Variants in MPDZ observed in about 807,000 individuals in gnomAD.
MPDZ encodes multiple PDZ domain crumbs cell polarity complex component.
MPDZ carries 234 observed loss-of-function variants against 239.1 expected under a neutral mutation model. That is an observed-to-expected ratio of 0.98 (90% confidence interval 0.88 to 1.09). The LOEUF (loss-of-function observed/expected upper bound fraction) is 1.09, where lower values mean the gene tolerates loss of function less well. Among genes scored for constraint, MPDZ ranks in the 50% least tolerant of loss-of-function variants. The probability of loss-of-function intolerance (pLI) is 0.00; values close to 1 mark genes in which losing one functional copy is unlikely to be tolerated. For synonymous variants in MPDZ, 1,048 were observed against 881.3 expected (o/e 1.19, Z -3.35); for missense variants, 3,175 against 2,510.0 (o/e 1.26, Z -5.66).
intron 46 of MPDZ, among the ~76,000 whole-genome samples, chr9:13,108,505 TATTA>T (rs1425480434): frequency 1.3e-5 from 2 of 152,150 alleles, no homozygotes; most frequent in South Asian, 2.1e-4. Context: ...AATAAATGCT[TATTA>T]ATTTTCATGT....
At chr9:13,126,094 A>C (rs565710013) in intron 34 of MPDZ, among the ~76,000 whole-genome samples, 14 of 152,302 alleles carry the variant, frequency 9.2e-5, no homozygotes, top group Non-Finnish European at 1.3e-4. Context: ...GAGGAGAGGG[A>C]ACTCAAGTAC....
At chr9:13,119,475 C>G (rs753584708) in intron 39 of MPDZ, 27 bp downstream of exon 39, 1 of 1,599,650 alleles carries the variant, frequency 6.3e-7, no homozygotes, top group Non-Finnish European at 8.5e-7. Flanking sequence ...TACGCTATTA[C>G]ACAGAATTAT....
chr9:13,223,247 G>A (rs771363345), intron 5 of MPDZ, among the ~76,000 whole-genome samples: 30 of 151,744 alleles, frequency 2.0e-4, no homozygotes, highest in Non-Finnish European at 4.0e-4. Context: ...AATGCAGCTC[G>A]AATTATTATG....
intron 3 of MPDZ, 75 bp from the exon 4 acceptor site, chr9:13,224,658 A>T (rs1027783678): frequency 1.0e-6 from 1 of 969,964 alleles, no homozygotes; most frequent in African/African-American, 1.7e-5. Flanking sequence ...CCAAGGGTAC[A>T]AGGACATACA....
chr9:13,150,767 T>C, intron 24 of MPDZ, 79 bp from the exon 25 acceptor site: 2 of 965,570 alleles, frequency 2.1e-6, no homozygotes, highest in Non-Finnish European at 2.7e-6. Flanking sequence ...TGGCAATGAT[T>C]TCTTATATAT....
At position 13,224,594 on chromosome 9, in the gene MPDZ, T is replaced by C. The variant is rs373208456; in HGVS notation, c.184-11A>G. 2.6e-5 allele frequency: 41 copies of C among 1,556,336 alleles called. No homozygotes were observed. The highest frequency in any genetic ancestry group is 1.5e-4 in the African/African-American group (11 of 73,578). ...AGTTGCAATATTTACCTAAGAGTAA[T>C]GCAGGGATTATTAAGAATTTTGACA... On this transcript the variant is annotated splice_polypyrimidine_tract_variant and intron_variant, in intron 3 of 46. Transcript: ENST00000319217.
intron 3 of MPDZ, among the ~76,000 whole-genome samples, chr9:13,234,864 A>C (rs1224739827): frequency 3.3e-5 from 5 of 152,022 alleles, no homozygotes; most frequent in African/African-American, 1.2e-4. Flanking sequence ...TGCAGGACAA[A>C]AACATGTGCT....
intron 10 of MPDZ, among the ~76,000 whole-genome samples, chr9:13,206,831 T>G (rs1334197448): frequency 2.6e-5 from 4 of 152,094 alleles, no homozygotes; most frequent in Non-Finnish European, 5.9e-5. Context: ...CGTGAGCCAC[T>G]GCACCCGGCC....
At chr9:13,109,153 A>AT in intron 45 of MPDZ, 94 bp from the exon 46 acceptor site, 1 of 1,034,290 alleles carries the variant, frequency 9.7e-7, no homozygotes. Context: ...TAGAGCTAGC[A>AT]TAATTCTCTT....
At chr9:13,178,856 G>GT (rs1176790764) in intron 19 of MPDZ, among the ~76,000 whole-genome samples, 1 of 152,086 alleles carries the variant, frequency 6.6e-6, no homozygotes, top group Non-Finnish European at 1.5e-5. Flanking sequence ...TCATTCTCTT[G>GT]TGCTTTTGCG....
chr9:13,111,267 A>G (rs914917252), intron 43 of MPDZ, among the ~76,000 whole-genome samples: 2 of 152,192 alleles, frequency 1.3e-5, no homozygotes, highest in South Asian at 2.1e-4. Flanking sequence ...CACAAAGCCT[A>G]AAATATTCAG....
Position 13,138,020 on chromosome 9 carries a change from C to A in MPDZ, c.4137G>T (p.Gly1379=), listed in dbSNP as rs2132356678. The A allele has an allele frequency of 6.2e-7, 1 of 1,613,838 alleles. No homozygotes were observed. Among genetic ancestry groups the A allele is most frequent in the African/African-American group, 1.3e-5 (1 of 75,030 alleles). ...TTCCTGCAGCTCCATTTGGATCAAT[C>A]CCCACTATGAAGACACTCATCCTGG... ...DRSRMSVFIV[G]IDPNGAAGKD... The change falls in exon 29 of 47, where the codon GGG becomes GGT. Residue 1379 remains glycine, a synonymous_variant. Coordinates refer to ENST00000319217, the MANE Select transcript of MPDZ (RefSeq NM_001378778.1).
chr9:13,189,739 C>G (rs1325658363), intron 16 of MPDZ, among the ~76,000 whole-genome samples: 1 of 152,256 alleles, frequency 6.6e-6, no homozygotes, highest in African/African-American at 2.4e-5. Context: ...ATTGGAATAT[C>G]AGATTATAAA....
At chr9:13,209,327 G>C (rs367570125) in intron 10 of MPDZ, among the ~76,000 whole-genome samples, 1 of 152,122 alleles carries the variant, frequency 6.6e-6, no homozygotes, top group East Asian at 1.9e-4. Flanking sequence ...CTGGCTATCA[G>C]AGCAAACACA....
chr9:13,144,305 C>T lies in MPDZ; in HGVS notation c.3742-741G>A, dbSNP rs999283395. The stretch of plus-strand genomic sequence containing the variant: ...TGAAGTCCTGCCTTAGAGTGTTTCT[C>T]AGAGGTTTTGTGGCTTGCCAGTAAT... On this transcript the variant is annotated intron_variant, in intron 26 of 46. Coordinates refer to ENST00000319217, the MANE Select transcript of MPDZ (RefSeq NM_001378778.1). Among the ~76,000 whole-genome samples the T allele has an allele frequency of 3.3e-5, 5 of 151,854 alleles. No individual in the cohort carries two copies. In the East Asian group the frequency reaches 5.8e-4, roughly 18 times the overall value.
chr9:13,260,108 CTGGGATTATA>C (rs796942463), intron 1 of MPDZ, among the ~76,000 whole-genome samples: 2 of 151,996 alleles, frequency 1.3e-5, no homozygotes, highest in South Asian at 4.2e-4. Context: ...TCCCAAAGAG[CTGGGATTATA>C]GGTGTGGCCA....
intron 3 of MPDZ, among the ~76,000 whole-genome samples, chr9:13,244,008 G>A (rs892526184): frequency 1.3e-5 from 2 of 152,158 alleles, no homozygotes; most frequent in African/African-American, 4.8e-5. Flanking sequence ...CTTGGAATTG[G>A]TCTCTGTTGC....
rs1564061748 is a variant in MPDZ at position 13,219,577 on chromosome 9, AGTT to A, written c.1065_1067del (p.Thr356del). On this transcript the variant is annotated inframe_deletion, in exon 8 of 47. Transcript: ENST00000319217. ...TACTTACCCGCAACTCTGGTGTTGA[AGTT>A]GGGGATGAGGAGAGGGTGATGCCCA... 1 of 1,611,890 alleles carries A rather than the reference AGTT, an allele frequency of 6.2e-7. No individual in the cohort carries two copies. Among genetic ancestry groups the A allele is most frequent in the South Asian group, 1.1e-5 (1 of 90,996 alleles).
chr9:13,278,363 G>A (rs1202931315), intron 1 of MPDZ, among the ~76,000 whole-genome samples: 1 of 152,096 alleles, frequency 6.6e-6, no homozygotes, highest in East Asian at 1.9e-4. Context: ...CGCAGTAGAG[G>A]TCTCCAGGGG....
Sources: allele counts gnomAD v4.1 joint callset (sites outside exome capture counted in the v4.1 genomes callset), GRCh38; gene constraint gnomAD v4.1.1; transcripts MANE v1.5; gene names NCBI Gene and HGNC (gene_info 2026-07-23, HGNC 2026-07-21).